The following KIF1A variants were observed in gnomAD, a reference collection of about 807,000 sequenced individuals.
KIF1A encodes kinesin family member 1A.
KIF1A carries 46 observed loss-of-function variants against 227.3 expected under a neutral mutation model. The observed-to-expected ratio is 0.20, with a 90% CI of 0.16 to 0.26. The LOEUF is 0.26. Among genes scored for constraint, KIF1A ranks in the 10% least tolerant of loss-of-function variants. The probability of loss-of-function intolerance (pLI) is 1.00; values close to 1 mark genes in which losing one functional copy is unlikely to be tolerated. For missense variants in KIF1A, 1,683 were observed against 2,485.9 expected (o/e 0.68, Z 6.87); for synonymous variants, 1,022 against 1,012.8 (o/e 1.01, Z -0.17).
intron 32 of KIF1A, among the ~76,000 whole-genome samples, 153 bp downstream of exon 32, chr2:240,745,274 G>A (rs549316195): frequency 3.3e-5 from 5 of 152,178 alleles, no homozygotes; most frequent in South Asian, 2.1e-4. Flanking sequence ...CCCAGAAATC[G>A]CTCCTACACC....
At chr2:240,763,122 G>T in intron 21 of KIF1A, 31 bp from the exon 22 acceptor site, 1 of 1,601,140 alleles carries the variant, frequency 6.2e-7, no homozygotes. Flanking sequence ...GAGCACGGGA[G>T]GGCAGGAGGG....
chr2:240,794,690 A>G (rs1282318659), intron 2 of KIF1A, among the ~76,000 whole-genome samples: 1 of 152,186 alleles, frequency 6.6e-6, no homozygotes, highest in African/African-American at 2.4e-5. Flanking sequence ...CCTTCGTTGC[A>G]TTTCACGCAA....
intron 1 of KIF1A, among the ~76,000 whole-genome samples, chr2:240,811,070 T>C (rs1020349619): frequency 2.6e-5 from 4 of 152,232 alleles, no homozygotes; most frequent in African/African-American, 9.6e-5. Flanking sequence ...TTTTTAAAGA[T>C]GTAACTATTG....
In KIF1A at chr2:240,718,487, C is replaced by T. The variant is rs62187811; in HGVS notation, c.5215-319G>A. Among the ~76,000 whole-genome samples the T allele has an allele frequency of 0.013, 2,006 of 152,354 alleles. 22 individuals carry two copies. Among genetic ancestry groups the T allele is most frequent in the South Asian group, 0.022 (105 of 4,830 alleles). ...GATGTGGGTTCACACCACCCACTCC[C>T]ACCACAGGGAATCAAAAAACCATCT... On this transcript the variant is annotated intron_variant, in intron 47 of 48. Transcript: ENST00000498729.
At chr2:240,722,697 G>A in intron 42 of KIF1A, 41 bp from the exon 43 acceptor site, 2 of 1,435,994 alleles carry the variant, frequency 1.4e-6, no homozygotes, top group South Asian at 1.4e-5. Flanking sequence ...GCACCTCAGG[G>A]GTGACCTCCG....
intron 1 of KIF1A, among the ~76,000 whole-genome samples, chr2:240,808,308 C>G (rs1456523814): frequency 6.6e-6 from 1 of 152,124 alleles, no homozygotes; most frequent in African/African-American, 2.4e-5. Context: ...TTGTAGAAAT[C>G]AAGAACATTC....
In KIF1A at chr2:240,744,816, AG is replaced by A. The variant is rs576425780; in HGVS notation, c.3465+610del. 6.8e-4 allele frequency among the ~76,000 whole-genome samples: 103 copies of A among 152,332 alleles called. 1 individual carries two copies. The highest frequency in any genetic ancestry group is 1.2e-3 in the Non-Finnish European group (81 of 68,014). On this transcript the variant is annotated intron_variant, in intron 32 of 48. Transcript: ENST00000498729. ...CAGCCAACTAACCCACTGAGTCTCC[AG>A]GTTATCACCCCTGCCAAATCCACAC...
At chr2:240,815,713 TGGA>T (rs1199828067) in intron 1 of KIF1A, among the ~76,000 whole-genome samples, 2 of 150,930 alleles carry the variant, frequency 1.3e-5, no homozygotes. Context: ...GTAATGGGGG[TGGA>T]GGAGAAAGTG....
chr2:240,726,810 G>T lies in KIF1A; in HGVS notation c.4122+16C>A. 6.6e-7 allele frequency: 1 copy of T among 1,525,684 alleles called. No homozygotes were observed. The allele number at this position is 1,525,684 out of a possible 1,614,324, so 94.5% of individuals were successfully genotyped here. A position where few individuals can be genotyped will look rare whatever the true frequency, so the allele number is the denominator to read the frequency against. ...CTGAGTGGTTTTGGTGGAGTGCCCT[G>T]GCATAGGTGCCTTGCCTCGATATAA... On this transcript the variant is annotated intron_variant, in intron 39 of 48. Transcript: ENST00000498729. The surrounding 1 kb of genome is among the most constrained non-coding windows in gnomAD (Gnocchi z 5.2).
At chr2:240,750,908 C>T (rs138654789) in intron 27 of KIF1A, among the ~76,000 whole-genome samples, 283 of 152,274 alleles carry the variant, frequency 1.9e-3, no homozygotes, top group Middle Eastern at 6.8e-3. Context: ...ACTGCACTGC[C>T]CCCCTTTTCA....
At chr2:240,787,030 C>G (rs1488161309) in intron 5 of KIF1A, among the ~76,000 whole-genome samples, 1 of 152,198 alleles carries the variant, frequency 6.6e-6, no homozygotes, top group East Asian at 1.9e-4. Flanking sequence ...AGAGCAGCTG[C>G]TGGAGAAGCA....
intron 1 of KIF1A, among the ~76,000 whole-genome samples, chr2:240,813,240 C>T (rs1342618140): frequency 6.6e-6 from 1 of 152,254 alleles, no homozygotes; most frequent in Non-Finnish European, 1.5e-5. Flanking sequence ...TAAGGAGCCC[C>T]AGGTCCAATG....
At chr2:240,769,255 G>A (rs779280717) in intron 16 of KIF1A, 47 bp from the exon 17 acceptor site, 4 of 1,544,952 alleles carry the variant, frequency 2.6e-6, no homozygotes, top group Non-Finnish European at 3.5e-6. Flanking sequence ...AAGGCTTCCA[G>A]CACTGGCCTC....
At chr2:240,810,632 C>G (rs1472154224) in intron 1 of KIF1A, among the ~76,000 whole-genome samples, 2 of 152,238 alleles carry the variant, frequency 1.3e-5, no homozygotes, top group East Asian at 1.9e-4. Flanking sequence ...AGAATGGAGA[C>G]AGCCCAAATG....
intron 38 of KIF1A, chr2:240,728,495 G>A: frequency 2.1e-6 from 2 of 954,850 alleles, no homozygotes; most frequent in South Asian, 2.7e-5. Context: ...ACAAGGCCCA[G>A]GGCAGAAAAC....
At chr2:240,763,450 C>CCGTT in intron 20 of KIF1A, 104 bp from the exon 21 acceptor site, 2 of 1,060,274 alleles carry the variant, frequency 1.9e-6, no homozygotes, top group Non-Finnish European at 2.7e-6. Context: ...GTGCAGGCAC[C>CCGTT]CCACCATCCC....
chr2:240,767,168 A>G (rs1338823994), intron 18 of KIF1A, 98 bp downstream of exon 18: 2 of 1,175,138 alleles, frequency 1.7e-6, no homozygotes, highest in Non-Finnish European at 2.5e-6. Flanking sequence ...GTCCAAACTC[A>G]GTGGCCCCTC....
At chr2:240,779,409 G>A (rs2053267921) in intron 10 of KIF1A, among the ~76,000 whole-genome samples, 1 of 139,314 alleles carries the variant, frequency 7.2e-6, no homozygotes, top group African/African-American at 2.9e-5. Context: ...GTTCCTCATC[G>A]TTCCACACTC....
intron 38 of KIF1A, among the ~76,000 whole-genome samples, chr2:240,730,105 C>T (rs2046435049): frequency 6.6e-6 from 1 of 152,222 alleles, no homozygotes; most frequent in Admixed American, 6.5e-5. Flanking sequence ...CTTAGTCCCC[C>T]TATGCCCCTC....
Sources: gnomAD v4.1 joint callset for allele counts (sites outside exome capture counted in the v4.1 genomes callset) on GRCh38, gnomAD v4.1.1 for gene constraint, Gnocchi (gnomAD v3.1) non-coding constraint, MANE v1.5 for transcripts, NCBI Gene and HGNC (gene_info 2026-07-23, HGNC 2026-07-21) for gene names.